Variants in CSMD3 observed in about 807,000 individuals in gnomAD.
CSMD3 encodes CUB and Sushi multiple domains 3.
CSMD3 carries 177 observed loss-of-function variants against 435.2 expected under a neutral mutation model. The observed-to-expected ratio is 0.41, with a 90% confidence interval of 0.36 to 0.46. The LOEUF (loss-of-function observed/expected upper bound fraction) is 0.46. Ranked by LOEUF, CSMD3 falls within the 20% of genes least tolerant of loss-of-function variation. CSMD3 has a pLI of 0.34. For missense variants in CSMD3, 4,265 were observed against 4,504.6 expected, an observed-to-expected ratio of 0.95 and a Z score of 1.52; for synonymous variants, 1,656 against 1,520.5, an observed-to-expected ratio of 1.09 and a Z score of -2.07.
At chr8:113,232,509 A>C (rs1186683131) in intron 3 of CSMD3, among the ~76,000 whole-genome samples, 1 of 151,732 alleles carries the variant, frequency 6.6e-6, no homozygotes, top group East Asian at 1.9e-4. Context: ...AATAAGTTCC[A>C]TGTGATGACA....
rs538910881 is a variant in CSMD3 at position 112,639,358 on chromosome 8, T to C, written c.3311-447A>G. On this transcript the variant is annotated intron_variant, in intron 20 of 70. Coordinates refer to ENST00000297405, the MANE Select transcript of CSMD3 (RefSeq NM_198123.2). ...ATGCTTGTTTATTTTAGAAGAGAAA[T>C]ATAAAACAGGCATAGGGAATGCTAT... 2.0e-5 allele frequency among the ~76,000 whole-genome samples: 3 copies of C among 152,260 alleles called. No individual in the cohort carries two copies. In the East Asian group the frequency reaches 5.8e-4, roughly 29 times the overall value.
chr8:112,601,278 T>G (rs1832329610), intron 22 of CSMD3, among the ~76,000 whole-genome samples: 1 of 152,106 alleles, frequency 6.6e-6, no homozygotes, highest in Non-Finnish European at 1.5e-5. Flanking sequence ...ATTCTTTAAA[T>G]GCACTTCCCG....
chr8:112,330,438 A>T (rs907334439), intron 45 of CSMD3, among the ~76,000 whole-genome samples: 6 of 152,264 alleles, frequency 3.9e-5, no homozygotes, highest in African/African-American at 1.2e-4. Context: ...AGTGACCTGG[A>T]TAATTGGCTT....
chr8:112,623,773 T>C (rs1402578916), intron 22 of CSMD3, among the ~76,000 whole-genome samples: 1 of 152,010 alleles, frequency 6.6e-6, no homozygotes, highest in East Asian at 1.9e-4. Flanking sequence ...GATAAATATA[T>C]CAAATCCATC....
chr8:113,133,454 A>G lies in CSMD3; in HGVS notation c.710-34491T>C, dbSNP rs79665913. On this transcript the variant is annotated intron_variant, in intron 4 of 70. Coordinates refer to ENST00000297405, the MANE Select transcript of CSMD3 (RefSeq NM_198123.2). ...ACAAGTGTTGGCAAAAATGTGGAATAAATCAGAACCCTGTGCCAGTCGGTG... is the reference window on the plus strand; with the variant it reads ...ACAAGTGTTGGCAAAAATGTGGAATGAATCAGAACCCTGTGCCAGTCGGTG... Among the ~76,000 whole-genome samples, 1,303 of 152,284 alleles carry G rather than the reference A, an allele frequency of 8.6e-3. 22 individuals carry two copies. The highest frequency in any genetic ancestry group is 0.029 in the African/African-American group (1,222 of 41,570).
At chr8:113,309,599 C>A (rs374007538) in intron 2 of CSMD3, 1 of 152,152 alleles carries the variant, frequency 6.6e-6, no homozygotes, top group African/African-American at 2.4e-5. Flanking sequence ...AATCCATGGA[C>A]GTTTATATAA....
At chr8:112,408,844 C>T in intron 33 of CSMD3, 75 bp downstream of exon 33, 1 of 1,608,186 alleles carries the variant, frequency 6.2e-7, no homozygotes, top group South Asian at 1.1e-5. Context: ...ATATAAATCT[C>T]AACTTTCACT....
chr8:112,448,184 T>G (rs1468428489), intron 32 of CSMD3, among the ~76,000 whole-genome samples: 3 of 152,184 alleles, frequency 2.0e-5, no homozygotes, highest in Admixed American at 2.0e-4. Context: ...ACTACTGCCT[T>G]CTTGCTGTGT....
chr8:112,245,658 C>T (rs998139010), intron 64 of CSMD3, among the ~76,000 whole-genome samples: 5 of 152,130 alleles, frequency 3.3e-5, no homozygotes, highest in Admixed American at 3.3e-4. Context: ...CTGCCTCAGA[C>T]TCCTGAGGAG....
At chr8:112,776,006 A>G (rs1434538271) in intron 13 of CSMD3, among the ~76,000 whole-genome samples, 1 of 151,890 alleles carries the variant, frequency 6.6e-6, no homozygotes, top group Non-Finnish European at 1.5e-5. Context: ...CTTGATATAT[A>G]AAAGGTGCCC....
intron 10 of CSMD3, among the ~76,000 whole-genome samples, chr8:112,865,130 A>G (rs1354000600): frequency 6.6e-6 from 1 of 152,216 alleles, no homozygotes; most frequent in Non-Finnish European, 1.5e-5. Flanking sequence ...TAAAACACAT[A>G]CAGTTAACCA....
At chr8:112,634,860 G>A (rs1027166350) in intron 22 of CSMD3, among the ~76,000 whole-genome samples, 5 of 151,790 alleles carry the variant, frequency 3.3e-5, no homozygotes, top group African/African-American at 1.2e-4. Flanking sequence ...AGACACTAGT[G>A]AGGAAAAAAT....
At chr8:112,471,559 C>T (rs1351165300) in intron 32 of CSMD3, among the ~76,000 whole-genome samples, 3 of 152,100 alleles carry the variant, frequency 2.0e-5, no homozygotes, top group African/African-American at 4.8e-5. Flanking sequence ...TACTACATTT[C>T]TGATGACAGT....
intron 62 of CSMD3, among the ~76,000 whole-genome samples, chr8:112,254,967 G>A (rs2130267729): frequency 6.6e-6 from 1 of 152,128 alleles, no homozygotes; most frequent in African/African-American, 2.4e-5. Flanking sequence ...AAAAATCTAA[G>A]TAAAATGTTA....
chr8:112,838,996 T>G (rs2132521574), intron 11 of CSMD3, among the ~76,000 whole-genome samples: 1 of 151,940 alleles, frequency 6.6e-6, no homozygotes, highest in Non-Finnish European at 1.5e-5. Context: ...TCTCATATTC[T>G]AGAAGAATTA....
chr8:112,960,678 A>T (rs949560011), intron 7 of CSMD3, among the ~76,000 whole-genome samples: 3 of 151,768 alleles, frequency 2.0e-5, no homozygotes, highest in Admixed American at 1.3e-4. Context: ...TATTTTAAAA[A>T]GCACACAAAA....
At chr8:113,326,911 A>T (rs2093988058) in intron 1 of CSMD3, among the ~76,000 whole-genome samples, 1 of 152,140 alleles carries the variant, frequency 6.6e-6, no homozygotes. Flanking sequence ...CTCAATAAAA[A>T]GATGGCATTA....
intron 8 of CSMD3, among the ~76,000 whole-genome samples, chr8:112,953,374 A>T (rs1326520902): frequency 1.3e-5 from 2 of 151,446 alleles, no homozygotes; most frequent in Non-Finnish European, 3.0e-5. Flanking sequence ...AATTTCTATA[A>T]AAGTCATATT....
At position 112,319,920 on chromosome 8, in the gene CSMD3, T is replaced by G. The variant is rs757836102; in HGVS notation, c.7227A>C (p.Glu2409Asp). Residue 2409 changes from glutamate (E) to aspartate (D), a missense_variant, in exon 46 of 71, where the codon GAA (glutamate) becomes GAC (aspartate). Physicochemically the swap from Glu to Asp is conservative, Grantham distance 45 (BLOSUM62 2). Transcript: ENST00000297405. ...CTTTACCTATTTCAAATTCATCATCTTCCGTCAAAATTTCAGCATTGGGCA... is the reference window on the plus strand; with the variant it reads ...CTTTACCTATTTCAAATTCATCATCGTCCGTCAAAATTTCAGCATTGGGCA... ...PPVPNAEILT[E>D]DDEFEIGDII... 1 of 1,611,964 alleles carries G rather than the reference T, an allele frequency of 6.2e-7. No homozygotes were observed. The highest frequency in any genetic ancestry group is 1.1e-5 in the South Asian group (1 of 91,040).
Sources: allele counts gnomAD v4.1 joint callset (sites outside exome capture counted in the v4.1 genomes callset), GRCh38; gene constraint gnomAD v4.1.1; transcripts MANE v1.5; gene names NCBI Gene and HGNC (gene_info 2026-07-23, HGNC 2026-07-21).